Variants in GSG1L observed in about 807,000 individuals in gnomAD.
The protein encoded by GSG1L is germ cell-specific gene 1-like protein.
Under a neutral mutation model 42.1 loss-of-function variants are expected in GSG1L, and 24 were observed. The observed-to-expected ratio is 0.57, with a 90% CI of 0.41 to 0.80. GSG1L has a LOEUF of 0.80. GSG1L is among the 30% of genes least tolerant of loss of function. The probability of loss-of-function intolerance (pLI) is 0.00; values close to 1 mark genes in which losing one functional copy is unlikely to be tolerated. For missense variants in GSG1L, 445 were observed against 472.2 expected, an observed-to-expected ratio of 0.94 and a Z score of 0.53; for synonymous variants, 215 against 203.5, an observed-to-expected ratio of 1.06 and a Z score of -0.48.
chr16:27,866,398 G>A (rs1422188961), intron 3 of GSG1L, among the ~76,000 whole-genome samples: 1 of 152,044 alleles, frequency 6.6e-6, no homozygotes, highest in African/African-American at 2.4e-5. Context: ...CCTTTAATCT[G>A]CACAACCCCA....
chr16:27,917,706 G>A (rs1225132995), intron 2 of GSG1L, among the ~76,000 whole-genome samples: 1 of 152,162 alleles, frequency 6.6e-6, no homozygotes. Context: ...TTAGCCTGCT[G>A]AATCTAAAAT....
chr16:27,823,105 T>C (rs1349067676), intron 5 of GSG1L, among the ~76,000 whole-genome samples: 1 of 152,144 alleles, frequency 6.6e-6, no homozygotes, highest in Admixed American at 6.5e-5. Context: ...AAAGCCCCAA[T>C]CTGCAAATAT....
At chr16:28,019,696 T>A (rs1321888698) in intron 1 of GSG1L, among the ~76,000 whole-genome samples, 1 of 152,188 alleles carries the variant, frequency 6.6e-6, no homozygotes. Context: ...AGCTCAAGCA[T>A]CAATCGTCCA....
At chr16:27,816,222 C>T (rs1342356052) in intron 5 of GSG1L, among the ~76,000 whole-genome samples, 1 of 152,200 alleles carries the variant, frequency 6.6e-6, no homozygotes, top group Non-Finnish European at 1.5e-5. Flanking sequence ...TCCTTTCCTC[C>T]ATTCCAGCAT....
At chr16:27,871,611 A>AT (rs1002975195) in intron 3 of GSG1L, among the ~76,000 whole-genome samples, 1 of 152,190 alleles carries the variant, frequency 6.6e-6, no homozygotes, top group African/African-American at 2.4e-5. Flanking sequence ...GGTGTGCTCC[A>AT]GCCTGGGTGA....
chr16:27,886,394 A>G (rs1225133746), intron 2 of GSG1L, among the ~76,000 whole-genome samples: 1 of 152,134 alleles, frequency 6.6e-6, no homozygotes, highest in East Asian at 1.9e-4. Flanking sequence ...GAGCCGAGAT[A>G]GCACCACTGC....
At chr16:28,012,979 CTT>C (rs199980686) in intron 1 of GSG1L, among the ~76,000 whole-genome samples, 6,256 of 151,656 alleles carry the variant, frequency 0.041, 404 homozygotes, top group African/African-American at 0.14. Flanking sequence ...AATCCCATCA[CTT>C]TGGGAGGCCG....
chr16:28,017,527 G>C lies in GSG1L; in HGVS notation c.349+45549C>G, dbSNP rs887278431. ...CCTGAGCCATGGACAAGAATGTTTA[G>C]AGCAGACGGGTTGGTGATGGCAAAA... is the stretch of plus-strand genomic sequence containing the variant. On this transcript the variant is annotated intron_variant, in intron 1 of 6. Coordinates refer to ENST00000447459, the MANE Select transcript of GSG1L (RefSeq NM_001109763.2). 2.0e-5 allele frequency among the ~76,000 whole-genome samples: 3 copies of C among 152,330 alleles called. No individual in the cohort carries two copies. In the East Asian group the frequency reaches 5.8e-4, roughly 29 times the overall value.
At chr16:27,891,447 T>A (rs543460727) in intron 2 of GSG1L, among the ~76,000 whole-genome samples, 1 of 152,070 alleles carries the variant, frequency 6.6e-6, no homozygotes, top group South Asian at 2.1e-4. Context: ...CTGTGTAACT[T>A]TTTTTTATTA....
intron 2 of GSG1L, among the ~76,000 whole-genome samples, chr16:27,926,518 A>AC (rs896878426): frequency 6.6e-6 from 1 of 151,498 alleles, no homozygotes; most frequent in African/African-American, 2.4e-5. Flanking sequence ...AAAAAAAAAA[A>AC]ACAAAAAAAC....
intron 2 of GSG1L, among the ~76,000 whole-genome samples, chr16:27,917,550 G>A (rs992526349): frequency 1.3e-5 from 2 of 152,156 alleles, no homozygotes; most frequent in Non-Finnish European, 2.9e-5. Flanking sequence ...CAGAGCATAG[G>A]AGGCCTTCCT....
intron 2 of GSG1L, among the ~76,000 whole-genome samples, chr16:27,908,449 C>T (rs1261493089): frequency 1.3e-5 from 2 of 152,226 alleles, no homozygotes; most frequent in Non-Finnish European, 2.9e-5. Flanking sequence ...TTGGCAAGTA[C>T]TCTTCCATCT....
At chr16:28,002,652 C>T (rs2085590508) in intron 1 of GSG1L, among the ~76,000 whole-genome samples, 1 of 151,932 alleles carries the variant, frequency 6.6e-6, no homozygotes, top group South Asian at 2.1e-4. Flanking sequence ...AAAAAGAGGC[C>T]AGGCGCGGTG....
At chr16:27,916,904 G>A (rs2084463693) in intron 2 of GSG1L, among the ~76,000 whole-genome samples, 2 of 152,196 alleles carry the variant, frequency 1.3e-5, no homozygotes, top group African/African-American at 4.8e-5. Flanking sequence ...TGTCTAGAGT[G>A]GGGCTATATC....
chr16:27,866,223 C>T (rs1369734464), intron 3 of GSG1L, among the ~76,000 whole-genome samples: 1 of 152,168 alleles, frequency 6.6e-6, no homozygotes, highest in African/African-American at 2.4e-5. Flanking sequence ...CCCCCTCTCC[C>T]GTTACATGAA....
At chr16:27,827,074 G>A (rs1448926466) in intron 5 of GSG1L, among the ~76,000 whole-genome samples, 1 of 152,184 alleles carries the variant, frequency 6.6e-6, no homozygotes, top group East Asian at 1.9e-4. Context: ...TAACTTCTCT[G>A]AGCCTCAGTT....
intron 3 of GSG1L, among the ~76,000 whole-genome samples, chr16:27,866,172 A>G (rs2083721448): frequency 6.6e-6 from 1 of 151,978 alleles, no homozygotes; most frequent in African/African-American, 2.4e-5. Context: ...CCTCTCACAC[A>G]CAGATACATT....
intron 2 of GSG1L, among the ~76,000 whole-genome samples, chr16:27,888,477 T>TTTC (rs1567505838): frequency 6.7e-4 from 27 of 40,564 alleles, no homozygotes; most frequent in African/African-American, 1.7e-3. Context: ...TCTCTCTCTC[T>TTTC]CTTTCCTTTC....
chr16:27,978,432 C>T (rs375965896), intron 1 of GSG1L, among the ~76,000 whole-genome samples: 1 of 150,546 alleles, frequency 6.6e-6, no homozygotes, highest in Middle Eastern at 3.6e-3. Flanking sequence ...GTGGCTCACG[C>T]CTGTAATCCC....
Sources: allele counts gnomAD v4.1 joint callset (sites outside exome capture counted in the v4.1 genomes callset), GRCh38; gene constraint gnomAD v4.1.1; transcripts MANE v1.5; gene names NCBI Gene and HGNC (gene_info 2026-07-23, HGNC 2026-07-21).